The following MACF1 variants were observed in gnomAD, a reference collection of about 807,000 sequenced individuals.
The protein encoded by MACF1 is microtubule actin crosslinking factor 1, also known as microtubule-actin cross-linking factor 1.
Under a neutral mutation model 854.8 loss-of-function variants are expected in MACF1, and 193 were observed. The ratio of observed to expected loss-of-function variants is 0.23; its 90% CI spans 0.20 to 0.25. The LOEUF (loss-of-function observed/expected upper bound fraction) is 0.25, where lower values mean the gene tolerates loss of function less well. Among genes scored for constraint, MACF1 ranks in the 10% least tolerant of loss-of-function variants. The pLI is 1.00. For missense variants in MACF1, 7,722 were observed against 8,929.1 expected, an observed-to-expected ratio of 0.86 and a Z score of 5.45; for synonymous variants, 3,185 against 3,226.7, an observed-to-expected ratio of 0.99 and a Z score of 0.44.
chr1:39,089,471 A>G (rs1016536855), intron 2 of MACF1, among the ~76,000 whole-genome samples: 3 of 152,218 alleles, frequency 2.0e-5, no homozygotes, highest in Non-Finnish European at 4.4e-5. Flanking sequence ...GTCTCTCTGC[A>G]CAGCCCTTGT....
intron 2 of MACF1, among the ~76,000 whole-genome samples, chr1:39,164,143 A>G (rs1643860866): frequency 6.6e-6 from 1 of 152,210 alleles, no homozygotes; most frequent in Non-Finnish European, 1.5e-5. Flanking sequence ...ATACTCCAGT[A>G]GCGGGGCATG....
chr1:39,381,720 C>T (rs746753203), intron 55 of MACF1, among the ~76,000 whole-genome samples: 58 of 152,104 alleles, frequency 3.8e-4, no homozygotes, highest in Non-Finnish European at 7.1e-4. Flanking sequence ...GTCCCAGCTA[C>T]TTGGGACGCT....
At chr1:39,418,944 A>G (rs1179207166) in intron 58 of MACF1, among the ~76,000 whole-genome samples, 2 of 152,138 alleles carry the variant, frequency 1.3e-5, no homozygotes, top group African/African-American at 4.8e-5. Context: ...TCCTAGTTGC[A>G]TCTTACAACC....
chr1:39,376,801 G>A (rs534826467), intron 52 of MACF1, among the ~76,000 whole-genome samples: 1 of 151,888 alleles, frequency 6.6e-6, no homozygotes, highest in East Asian at 1.9e-4. Flanking sequence ...CTGTAGCTTT[G>A]ACCTCCTAGG....
intron 2 of MACF1, among the ~76,000 whole-genome samples, chr1:39,166,437 TATTTATTTATTTATTCATTCATTC>T (rs1317131664): frequency 5.6e-4 from 82 of 146,758 alleles, no homozygotes; most frequent in Admixed American, 1.3e-3. Context: ...TTTATTTATT[TATTTATTTATTTATTCATTCATTC>T]ATTCATTCAT....
At chr1:39,248,299 T>G (rs1183998282) in intron 2 of MACF1, among the ~76,000 whole-genome samples, 1 of 152,160 alleles carries the variant, frequency 6.6e-6, no homozygotes, top group African/African-American at 2.4e-5. Flanking sequence ...TATCCTACTT[T>G]CTTTTTTTTT....
rs979353340 is a variant in MACF1, at chr1:39,299,048, T to C, written c.2482-1162T>C. ...TGGCTTCTGGTTCTTTTCAGAACTT[T>C]TACCACGCTGAGCACTTGGTCTCTG... On this transcript the variant is annotated intron_variant, in intron 21 of 100. Coordinates refer to ENST00000564288, the MANE Select transcript of MACF1 (RefSeq NM_001394062.1). Among the ~76,000 whole-genome samples, 3 of 152,150 alleles carry C rather than the reference T, an allele frequency of 2.0e-5. No homozygotes were observed. In the East Asian group the frequency reaches 5.8e-4, roughly 29 times the overall value.
intron 2 of MACF1, among the ~76,000 whole-genome samples, chr1:39,160,526 A>G (rs941127241): frequency 6.6e-6 from 1 of 152,102 alleles, no homozygotes; most frequent in Admixed American, 6.6e-5. Flanking sequence ...ACTTATATAC[A>G]CTGTATAATA....
chr1:39,269,543 C>T (rs1645276917), intron 6 of MACF1: 3 of 1,289,718 alleles, frequency 2.3e-6, no homozygotes, highest in Non-Finnish European at 3.0e-6. Flanking sequence ...ATTTGTCCAT[C>T]AGTGGTGTGA....
chr1:39,191,030 A>G (rs1644249453), intron 2 of MACF1, among the ~76,000 whole-genome samples: 1 of 152,018 alleles, frequency 6.6e-6, no homozygotes. Context: ...AACAACAACA[A>G]CAAAAACTAA....
At chr1:39,375,895 T>C (rs1649676805) in intron 52 of MACF1, among the ~76,000 whole-genome samples, 1 of 152,246 alleles carries the variant, frequency 6.6e-6, no homozygotes, top group Non-Finnish European at 1.5e-5. Context: ...ATTCTATTAT[T>C]ACACAATTCT....
At chr1:39,293,316 C>G (rs1237528712) in intron 17 of MACF1, 142 bp from the exon 18 acceptor site, 1 of 797,246 alleles carries the variant, frequency 1.3e-6, no homozygotes, top group African/African-American at 1.7e-5. Context: ...CAAACTTGTA[C>G]AAAACTTGAA....
rs145983422 is a variant in MACF1 at position 39,437,808 on chromosome 1, C to T, written c.18020C>T (p.Thr6007Ile). 18 of 1,613,944 alleles carry T rather than the reference C, an allele frequency of 1.1e-5. No individual in the cohort carries two copies. In the African/African-American group the frequency reaches 2.3e-4, roughly 20 times the overall value. ...FHDKIEPMLETLENLSSRLRM... is the reference protein window; with the variant it reads ...FHDKIEPMLEILENLSSRLRM... ...GATAAAATTGAGCCTATGTTGGAGA[C>T]ACTGGAGAATCTTTCCTCTCGCCTG... Residue 6007 changes from threonine (T) to isoleucine (I), a missense_variant, in exon 71 of 101, where the codon ACA becomes ATA. Physicochemically the swap from Thr to Ile is moderately conservative, Grantham distance 89. Around this residue, in one of 15 missense-constraint regions of MACF1, gnomAD observed 2,807 missense variants for 3,235.8 expected, o/e 0.87. Coordinates refer to ENST00000564288, the MANE Select transcript of MACF1 (RefSeq NM_001394062.1).
intron 58 of MACF1, chr1:39,413,198 C>G: frequency 1.2e-6 from 2 of 1,613,538 alleles, no homozygotes; most frequent in South Asian, 1.1e-5. Context: ...GTCACCCCAG[C>G]TACCACAGTG....
At chr1:39,185,862 A>G (rs977300282) in intron 2 of MACF1, among the ~76,000 whole-genome samples, 2 of 152,044 alleles carry the variant, frequency 1.3e-5, no homozygotes, top group Non-Finnish European at 2.9e-5. Context: ...ATTAGAAGAG[A>G]TTTTTAACCT....
Position 39,385,838 on chromosome 1 carries a change from A to G in MACF1, c.14253A>G (p.Ser4751=). 6.2e-7 allele frequency: 1 copy of G among 1,614,166 alleles called. No homozygotes were observed. Among genetic ancestry groups the G allele is most frequent in the Non-Finnish European group, 8.5e-7 (1 of 1,180,006 alleles). ...CTCAGACACTGTGCGATGAACTCTC[A>G]GTGCTCATTGGTGAGCAGTACCTCA... ...KEAQTLCDEL[S]VLIGEQYLKD... is the part of the protein sequence containing the mutation. Residue 4751 remains serine, a synonymous_variant, in exon 57 of 101, where the codon TCA becomes TCG. Coordinates refer to ENST00000564288, the MANE Select transcript of MACF1 (RefSeq NM_001394062.1).
At chr1:39,282,505 A>C in intron 7 of MACF1, 131 bp downstream of exon 7, 1 of 1,109,470 alleles carries the variant, frequency 9.0e-7, no homozygotes, top group East Asian at 2.6e-5. Context: ...TTGAAAAAGA[A>C]ACATTTATTT....
At chr1:39,139,713 C>T (rs567277453) in intron 2 of MACF1, among the ~76,000 whole-genome samples, 11 of 152,244 alleles carry the variant, frequency 7.2e-5, no homozygotes, top group African/African-American at 2.6e-4. Context: ...CTGATTATCT[C>T]AGATACAAGT....
chr1:39,303,813 A>G (rs1038654390), intron 23 of MACF1, among the ~76,000 whole-genome samples: 2 of 151,298 alleles, frequency 1.3e-5, no homozygotes, highest in African/African-American at 4.9e-5. Context: ...TCGAGTTTGC[A>G]GTGAGTCGAG....
Sources: allele counts gnomAD v4.1 joint callset (sites outside exome capture counted in the v4.1 genomes callset), GRCh38; gene constraint gnomAD v4.1.1; regional missense constraint gnomAD v4.1.1; transcripts MANE v1.5; gene names NCBI Gene and HGNC (gene_info 2026-07-23, HGNC 2026-07-21).